The following ARHGEF28 variants were observed in gnomAD, a reference collection of about 807,000 sequenced individuals.
The protein encoded by ARHGEF28 is Rho guanine nucleotide exchange factor 28, also known as 190 kDa guanine nucleotide exchange factor.
In ARHGEF28, 152 loss-of-function variants were observed where a neutral mutation model predicts 206.6. The ratio of observed to expected loss-of-function variants is 0.74; its 90% confidence interval spans 0.64 to 0.84. ARHGEF28 has a LOEUF of 0.84. ARHGEF28 is among the 40% of genes least tolerant of loss of function. The pLI, the probability that ARHGEF28 is intolerant of heterozygous loss-of-function variation, is 0.00. For synonymous variants in ARHGEF28, 763 were observed against 776.4 expected, an observed-to-expected ratio of 0.98 and a Z score of 0.29; for missense variants, 2,028 against 2,073.2, an observed-to-expected ratio of 0.98 and a Z score of 0.42.
chr5:73,825,272 C>G (rs1362740741), intron 9 of ARHGEF28, among the ~76,000 whole-genome samples: 1 of 152,098 alleles, frequency 6.6e-6, no homozygotes, highest in East Asian at 1.9e-4. Context: ...TCAGGGAGAG[C>G]CTCTTTGGTA....
intron 7 of ARHGEF28, among the ~76,000 whole-genome samples, chr5:73,783,896 C>T (rs1753998357): frequency 6.6e-6 from 1 of 152,262 alleles, no homozygotes; most frequent in Middle Eastern, 3.4e-3. Context: ...GGACAGAAAT[C>T]CAAGCCCTCT....
At chr5:73,800,498 CTAT>C (rs1046570057) in intron 9 of ARHGEF28, among the ~76,000 whole-genome samples, 2 of 151,978 alleles carry the variant, frequency 1.3e-5, no homozygotes, top group African/African-American at 4.8e-5. Flanking sequence ...TACTTCATTG[CTAT>C]TATTGTTTGT....
intron 1 of ARHGEF28, among the ~76,000 whole-genome samples, chr5:73,630,824 G>A (rs1743323594): frequency 6.6e-6 from 1 of 152,214 alleles, no homozygotes. Flanking sequence ...TGAATGTGAT[G>A]TATTTGTCAA....
chr5:73,840,486 G>T lies in ARHGEF28; in HGVS notation c.1153G>T (p.Asp385Tyr). 6.2e-7 allele frequency: 1 copy of T among 1,610,836 alleles called. No homozygotes were observed. Among genetic ancestry groups the T allele is most frequent in the South Asian group, 1.1e-5 (1 of 90,748 alleles). Residue 385 changes from aspartate (D) to tyrosine (Y), a missense_variant, in exon 11 of 36, where the codon GAT becomes TAT. Coordinates refer to ENST00000513042, the MANE Select transcript of ARHGEF28 (RefSeq NM_001177693.2). ...ANCMVIDQVGDLDISYINIEG... is the reference protein window; with the variant it reads ...ANCMVIDQVGYLDISYINIEG... ...TTTTTCTTTCAACTTCCAGGTTGGT[G>T]ATTTGGATATCAGCTATATTAATAT...
chr5:73,784,652 C>G (rs1320889540), intron 7 of ARHGEF28, among the ~76,000 whole-genome samples: 2 of 152,176 alleles, frequency 1.3e-5, no homozygotes, highest in Non-Finnish European at 2.9e-5. Context: ...GTAGTTCCCT[C>G]TTATCTTTGG....
chr5:73,635,374 T>A (rs573695112), intron 1 of ARHGEF28, among the ~76,000 whole-genome samples: 10 of 152,236 alleles, frequency 6.6e-5, no homozygotes, highest in African/African-American at 1.7e-4. Flanking sequence ...ATTTTTTTTT[T>A]ATCATTTATG....
At position 73,656,896 on chromosome 5, in the gene ARHGEF28, C is replaced by T. The variant is rs150831013; in HGVS notation, c.-11-27945C>T. ...TATAAAAAGAATGTTGGAGGCTGGG[C>T]GCGGTGGCTCATGCCTGTAATCTTA... On this transcript the variant is annotated intron_variant, in intron 1 of 35. Transcript: ENST00000513042. Among the ~76,000 whole-genome samples, 1,515 of 152,124 alleles carry T rather than the reference C, an allele frequency of 1.0e-2. 26 individuals are homozygous for T. The highest frequency in any genetic ancestry group is 0.034 in the African/African-American group (1,419 of 41,498).
chr5:73,799,561 A>T (rs1487323770), intron 9 of ARHGEF28, among the ~76,000 whole-genome samples: 1 of 152,168 alleles, frequency 6.6e-6, no homozygotes, highest in African/African-American at 2.4e-5. Context: ...AGTGTGAGTG[A>T]GGTTGTGGGT....
At chr5:73,662,847 C>G (rs370357914) in intron 1 of ARHGEF28, among the ~76,000 whole-genome samples, 7 of 152,190 alleles carry the variant, frequency 4.6e-5, no homozygotes, top group African/African-American at 1.7e-4. Flanking sequence ...GTGAGGAATA[C>G]TCTTTCTGGA....
chr5:73,762,115 A>C (rs1752632498), intron 4 of ARHGEF28, among the ~76,000 whole-genome samples: 1 of 151,478 alleles, frequency 6.6e-6, no homozygotes, highest in Non-Finnish European at 1.5e-5. Context: ...TACAGGAATG[A>C]GCCACCACAC....
chr5:73,894,512 A>G lies in ARHGEF28; in HGVS notation c.3778A>G (p.Ile1260Val), dbSNP rs1324242023. The G allele has an allele frequency of 6.2e-7, 1 of 1,613,942 alleles. No homozygotes were observed. The highest frequency in any genetic ancestry group is 2.2e-5 in the East Asian group (1 of 44,866). The change falls in exon 29 of 36, where the codon ATT (isoleucine) becomes GTT (valine). Residue 1260 changes from isoleucine (I) to valine (V), a missense_variant. Coordinates refer to ENST00000513042, the MANE Select transcript of ARHGEF28 (RefSeq NM_001177693.2). ...CGTCCATCTAGAGCCCCACCTCCTT[A>G]TTAAACCTGACCCAGGCGAGCCTCC... ...EDVHLEPHLL[I>V]KPDPGEPPQA...
At position 73,805,321 on chromosome 5, in the gene ARHGEF28, G is replaced by A. The variant is rs538039394; in HGVS notation, c.1024+9930G>A. ...TAAACCTTAATGTATGCAAATTTAAGAAAACCTTGAGGTTGGGGATGGGAT... is the reference window on the plus strand; with the variant it reads ...TAAACCTTAATGTATGCAAATTTAAAAAAACCTTGAGGTTGGGGATGGGAT... On this transcript the variant is annotated intron_variant, in intron 9 of 35. Transcript: ENST00000513042. 6.6e-5 allele frequency among the ~76,000 whole-genome samples: 10 copies of A among 152,206 alleles called. No individual in the cohort carries two copies. In the East Asian group the frequency reaches 1.9e-3, roughly 29 times the overall value.
chr5:73,830,325 G>A (rs568945490), intron 9 of ARHGEF28, among the ~76,000 whole-genome samples: 3 of 152,148 alleles, frequency 2.0e-5, no homozygotes, highest in South Asian at 2.1e-4. Context: ...AGGCCGAGGC[G>A]GCTGGATCAC....
intron 2 of ARHGEF28, among the ~76,000 whole-genome samples, chr5:73,743,198 A>C (rs1751538852): frequency 6.6e-6 from 1 of 152,138 alleles, no homozygotes; most frequent in African/African-American, 2.4e-5. Context: ...TCTCAGTATT[A>C]GTCTTAAACA....
At position 73,940,860 on chromosome 5, in the gene ARHGEF28, C is replaced by A. The variant is rs1742565674; in HGVS notation, c.4965C>A (p.His1655Gln). The A allele has an allele frequency of 2.0e-6, 3 of 1,519,726 alleles. No homozygotes were observed. In the South Asian group the frequency reaches 3.7e-5, roughly 19 times the overall value. The allele number at this position is 1,519,726 out of a possible 1,614,324, so 94.1% of individuals were successfully genotyped here. A position where few individuals can be genotyped will look rare whatever the true frequency, so the allele number is the denominator to read the frequency against. The change falls in exon 36 of 36, where the codon CAC becomes CAA. Residue 1655 changes from histidine (H) to glutamine (Q), a missense_variant. Physicochemically the swap from His to Gln is conservative, Grantham distance 24. This residue lies in a region of ARHGEF28 where 803 missense variants were observed against 768.0 expected (regional missense o/e 1.05). Coordinates refer to ENST00000513042, the MANE Select transcript of ARHGEF28 (RefSeq NM_001177693.2). ...TTCTTGCAGATTTGGACACCTCCCA[C>A]ACTGAGTCCCCAACCCCCCATGACT... ...DSCKNDLDTSHTESPTPHDSN... is the reference protein window; with the variant it reads ...DSCKNDLDTSQTESPTPHDSN...
intron 9 of ARHGEF28, among the ~76,000 whole-genome samples, chr5:73,807,728 C>T (rs1459369846): frequency 1.3e-5 from 2 of 152,034 alleles, no homozygotes; most frequent in South Asian, 4.1e-4. Context: ...TCAGGCAATC[C>T]ACCCGCCTCA....
chr5:73,861,752 G>A (rs1430337072), intron 16 of ARHGEF28, among the ~76,000 whole-genome samples: 1 of 151,508 alleles, frequency 6.6e-6, no homozygotes, highest in East Asian at 1.9e-4. Context: ...TTTGGTGATT[G>A]CCTAAGATTA....
chr5:73,708,480 T>C (rs902894231), intron 2 of ARHGEF28, among the ~76,000 whole-genome samples: 5 of 152,194 alleles, frequency 3.3e-5, no homozygotes, highest in Admixed American at 1.3e-4. Flanking sequence ...CTGCATTAAT[T>C]TGCTTAGGAT....
intron 2 of ARHGEF28, among the ~76,000 whole-genome samples, chr5:73,712,439 C>T (rs535661550): frequency 2.0e-4 from 31 of 152,290 alleles, no homozygotes; most frequent in African/African-American, 7.0e-4. Context: ...GATCTCTGTT[C>T]ATCTTTCTCT....
Sources: gnomAD v4.1 joint callset for allele counts (sites outside exome capture counted in the v4.1 genomes callset) on GRCh38, gnomAD v4.1.1 for gene constraint, gnomAD v4.1.1 regional missense constraint, MANE v1.5 for transcripts, NCBI Gene and HGNC (gene_info 2026-07-23, HGNC 2026-07-21) for gene names.